Variants in CAMTA1 observed in about 807,000 individuals in gnomAD.
CAMTA1 encodes the protein calmodulin binding transcription activator 1, also known as calmodulin-binding transcription activator 1.
CAMTA1 carries 27 observed loss-of-function variants against 170.9 expected under a neutral mutation model. That is an observed-to-expected ratio of 0.16 (90% CI 0.12 to 0.22). CAMTA1 has a LOEUF of 0.22. CAMTA1 is among the 10% of genes least tolerant of loss of function. The pLI, the probability that CAMTA1 is intolerant of heterozygous loss-of-function variation, is 1.00. For missense variants in CAMTA1, 1,619 were observed against 2,217.2 expected (o/e 0.73, Z 5.42); for synonymous variants, 833 against 891.5 (o/e 0.93, Z 1.17).
At chr1:7,361,070 T>C (rs2085503742) in intron 5 of CAMTA1, among the ~76,000 whole-genome samples, 1 of 152,180 alleles carries the variant, frequency 6.6e-6, no homozygotes. Flanking sequence ...GATTTAGTAA[T>C]AGAAGCTCAG....
chr1:7,053,186 C>T (rs987921107), intron 3 of CAMTA1, among the ~76,000 whole-genome samples: 4 of 152,192 alleles, frequency 2.6e-5, no homozygotes, highest in African/African-American at 9.6e-5. Context: ...TGTTTGCCGC[C>T]GCAGCGTCCC....
At chr1:6,992,741 G>T (rs1178862616) in intron 3 of CAMTA1, among the ~76,000 whole-genome samples, 1 of 152,168 alleles carries the variant, frequency 6.6e-6, no homozygotes, top group Non-Finnish European at 1.5e-5. Context: ...CAGATCTTGT[G>T]AGAACTCACC....
chr1:7,679,661 G>T (rs557638521), intron 11 of CAMTA1, among the ~76,000 whole-genome samples: 3 of 152,244 alleles, frequency 2.0e-5, no homozygotes, highest in South Asian at 4.1e-4. Context: ...TACACAGGAG[G>T]GTGACAGGAA....
intron 10 of CAMTA1, 102 bp downstream of exon 10, chr1:7,671,139 A>C: frequency 8.0e-7 from 1 of 1,254,594 alleles, no homozygotes; most frequent in Non-Finnish European, 1.1e-6. Context: ...TCATGTCCTT[A>C]CTCTAGGCCT....
chr1:7,047,226 A>T (rs1470838287), intron 3 of CAMTA1, among the ~76,000 whole-genome samples: 1 of 152,202 alleles, frequency 6.6e-6, no homozygotes, highest in Non-Finnish European at 1.5e-5. Flanking sequence ...GAAGCCACTG[A>T]ACTGTTAGGG....
Position 7,187,111 on chromosome 1 carries a change from T to C in CAMTA1, c.303-62380T>C, listed in dbSNP as rs903412235. Among the ~76,000 whole-genome samples, 4 of 151,978 alleles carry C rather than the reference T, an allele frequency of 2.6e-5. No homozygotes were observed. The East Asian group carries it at 7.7e-4, about 29-fold the overall frequency. The stretch of plus-strand genomic sequence containing the variant: ...CATGCTGGTCACTGTCCTGACAGTA[T>C]GAGAGAGTGGCTGGGGCACAGGGCA... On this transcript the variant is annotated intron_variant, in intron 4 of 22. Coordinates refer to ENST00000303635, the MANE Select transcript of CAMTA1 (RefSeq NM_015215.4).
chr1:6,986,914 C>T (rs1695446422), intron 3 of CAMTA1, among the ~76,000 whole-genome samples: 1 of 152,114 alleles, frequency 6.6e-6, no homozygotes, highest in South Asian at 2.1e-4. Context: ...CAATATTCTA[C>T]AAGTTTGCTC....
intron 3 of CAMTA1, among the ~76,000 whole-genome samples, chr1:6,840,492 C>T (rs1655243784): frequency 6.6e-6 from 1 of 152,090 alleles, no homozygotes; most frequent in Non-Finnish European, 1.5e-5. Context: ...AATTTTGTGG[C>T]CTCAGCTACT....
Position 6,918,563 on chromosome 1 carries a change from T to C in CAMTA1, c.234+93353T>C, listed in dbSNP as rs12122806. Among the ~76,000 whole-genome samples, 17,114 of 152,248 alleles carry C rather than the reference T, an allele frequency of 0.11. 1,119 individuals are homozygous for C. The highest frequency in any genetic ancestry group is 0.23 in the East Asian group (1,201 of 5,174). ...GAAATACTGTGGCTTCAAAACGGTA[T>C]TTATCTGGCATTGGGAAACCATCAA... On this transcript the variant is annotated intron_variant, in intron 3 of 22. Transcript: ENST00000303635. The surrounding 1 kb of genome is among the most constrained non-coding windows in gnomAD (Gnocchi z 4.0).
At chr1:7,567,105 GATA>G (rs999136030) in intron 6 of CAMTA1, among the ~76,000 whole-genome samples, 11 of 152,356 alleles carry the variant, frequency 7.2e-5, no homozygotes, top group Admixed American at 7.2e-4. Context: ...CTCAAGTGTG[GATA>G]ATAACTCCAG....
intron 3 of CAMTA1, among the ~76,000 whole-genome samples, chr1:6,950,637 C>T (rs1445350077): frequency 6.6e-6 from 1 of 152,130 alleles, no homozygotes; most frequent in Admixed American, 6.5e-5. Flanking sequence ...AGGCCTTGAA[C>T]TGATTAGTAG....
chr1:7,101,248 G>T (rs181720997), intron 4 of CAMTA1, among the ~76,000 whole-genome samples: 1 of 152,354 alleles, frequency 6.6e-6, no homozygotes, highest in Non-Finnish European at 1.5e-5. Context: ...ATTGGCATCT[G>T]TGGTGTTTCC....
intron 3 of CAMTA1, among the ~76,000 whole-genome samples, chr1:6,919,809 A>C (rs1681601719): frequency 6.6e-6 from 1 of 152,118 alleles, no homozygotes; most frequent in Non-Finnish European, 1.5e-5. Flanking sequence ...TCCCCCTTAT[A>C]ATACTGTCGG....
Position 6,970,812 on chromosome 1 carries a change from A to AC in CAMTA1, c.235-120489dup, listed in dbSNP as rs1692387234. On this transcript the variant is annotated intron_variant, in intron 3 of 22. Transcript: ENST00000303635. This position sits in a 1 kb window ranked among gnomAD's most constrained non-coding sequence, Gnocchi z 4.4. ...AGGAGACAGATGGAGAACAGAACAG[A>AC]CCCAACAACCTCAGGAGAATGAACA... 6.6e-6 allele frequency among the ~76,000 whole-genome samples: 1 copy of AC among 152,194 alleles called. No individual in the cohort carries two copies. The highest frequency in any genetic ancestry group is 1.5e-5 in the Non-Finnish European group (1 of 68,028).
chr1:6,857,006 A>G (rs997831217), intron 3 of CAMTA1, among the ~76,000 whole-genome samples: 9 of 152,120 alleles, frequency 5.9e-5, no homozygotes, highest in African/African-American at 2.2e-4. Flanking sequence ...CACCTTGGAA[A>G]CTAGGGTGTC....
At chr1:6,898,942 C>T (rs1468332613) in intron 3 of CAMTA1, among the ~76,000 whole-genome samples, 1 of 152,090 alleles carries the variant, frequency 6.6e-6, no homozygotes, top group African/African-American at 2.4e-5. Flanking sequence ...AGACGTAGCA[C>T]CAAGGTGCCC....
At chr1:7,587,220 T>C (rs932301251) in intron 6 of CAMTA1, among the ~76,000 whole-genome samples, 1 of 152,082 alleles carries the variant, frequency 6.6e-6, no homozygotes, top group Non-Finnish European at 1.5e-5. Context: ...TCATAGCCTA[T>C]TGGAGTTGAG....
chr1:7,111,906 A>AAAC (rs1644076682), intron 4 of CAMTA1, among the ~76,000 whole-genome samples: 2 of 139,418 alleles, frequency 1.4e-5, no homozygotes, highest in African/African-American at 2.6e-5. Flanking sequence ...AAAAAAAAAA[A>AAAC]AAAAAACCGA....
At chr1:7,046,638 G>A (rs893052942) in intron 3 of CAMTA1, among the ~76,000 whole-genome samples, 8 of 152,180 alleles carry the variant, frequency 5.3e-5, no homozygotes, top group African/African-American at 1.9e-4. Context: ...ATGGTTCAGT[G>A]GGAGAGACAG....
Sources: allele counts gnomAD v4.1 joint callset (sites outside exome capture counted in the v4.1 genomes callset), GRCh38; gene constraint gnomAD v4.1.1; non-coding constraint Gnocchi (gnomAD v3.1); transcripts MANE v1.5; gene names NCBI Gene and HGNC (gene_info 2026-07-23, HGNC 2026-07-21).